Variants in DMBX1 observed in about 807,000 individuals in gnomAD.
The protein encoded by DMBX1 is diencephalon/mesencephalon homeobox protein 1.
A neutral mutation model predicts 30.4 loss-of-function variants in DMBX1; 7 were observed. The ratio of observed to expected loss-of-function variants is 0.23; its 90% CI spans 0.13 to 0.43. The LOEUF is 0.43. Among genes scored for constraint, DMBX1 ranks in the 20% least tolerant of loss-of-function variants. DMBX1 has a pLI of 1.00. For synonymous variants in DMBX1, 222 were observed against 214.2 expected (o/e 1.04, Z -0.32); for missense variants, 460 against 508.5 (o/e 0.90, Z 0.92).
intron 2 of DMBX1, among the ~76,000 whole-genome samples, chr1:46,498,879 G>T (rs1666072463): frequency 6.6e-6 from 1 of 152,190 alleles, no homozygotes; most frequent in Non-Finnish European, 1.5e-5. Flanking sequence ...GAGAGCAGGG[G>T]CCTTGATGTC....
intron 2 of DMBX1, among the ~76,000 whole-genome samples, chr1:46,501,143 C>A (rs929746829): frequency 3.8e-4 from 57 of 151,192 alleles, no homozygotes; most frequent in Non-Finnish European, 5.0e-4. Flanking sequence ...TTTCTTTTCC[C>A]TCCCCCTTCC....
At chr1:46,507,723 G>T (rs770448803) in intron 3 of DMBX1, among the ~76,000 whole-genome samples, 1 of 152,168 alleles carries the variant, frequency 6.6e-6, no homozygotes, top group Non-Finnish European at 1.5e-5. Flanking sequence ...GGCCAAGTGG[G>T]GTTGGAACGT....
intron 2 of DMBX1, among the ~76,000 whole-genome samples, chr1:46,501,817 C>T (rs1360766577): frequency 6.6e-6 from 1 of 152,108 alleles, no homozygotes; most frequent in Non-Finnish European, 1.5e-5. Context: ...CCGCACCCAG[C>T]TTTATTTTTT....
intron 2 of DMBX1, among the ~76,000 whole-genome samples, chr1:46,496,211 C>T (rs1047743527): frequency 7.9e-5 from 12 of 152,106 alleles, no homozygotes; most frequent in African/African-American, 2.2e-4. Flanking sequence ...GTAAAATAAG[C>T]GGCATCTGAG....
rs1425623172 is a variant in DMBX1 at position 46,491,037 on chromosome 1, C to T, written c.-13+254C>T. 6.6e-6 allele frequency among the ~76,000 whole-genome samples: 1 copy of T among 152,220 alleles called. No individual in the cohort carries two copies. The highest frequency in any genetic ancestry group is 1.5e-5 in the Non-Finnish European group (1 of 68,036). ...GCGACAGGCCAGGGGCCCTGATGGA[C>T]TGTGCAGGGTCCCGGGCACCACCGG... On this transcript the variant is annotated intron_variant, in intron 2 of 5. Transcript: ENST00000360032. This position sits in a 1 kb window ranked among gnomAD's most constrained non-coding sequence, Gnocchi z 5.5.
Position 46,510,823 on chromosome 1 carries a change from C to T in DMBX1, c.334-112C>T. The T allele has an allele frequency of 7.4e-7, 1 of 1,348,802 alleles. No individual in the cohort carries two copies. Among genetic ancestry groups the T allele is most frequent in the Non-Finnish European group, 1.0e-6 (1 of 1,000,142 alleles). The allele number at this position is 1,348,802 out of a possible 1,614,324, so 83.6% of individuals were successfully genotyped here. ...TGGGAAGGGACAGAGGGTGTGCATTCCCTAGAGGGGTGGGGGGATGTTATC... is the reference window on the plus strand; with the variant it reads ...TGGGAAGGGACAGAGGGTGTGCATTTCCTAGAGGGGTGGGGGGATGTTATC... On this transcript the variant is annotated intron_variant, in intron 4 of 5. Transcript: ENST00000360032. This position sits in a 1 kb window ranked among gnomAD's most constrained non-coding sequence, Gnocchi z 4.1.
At chr1:46,505,947 T>C (rs1387531413) in intron 2 of DMBX1, among the ~76,000 whole-genome samples, 2 of 152,150 alleles carry the variant, frequency 1.3e-5, no homozygotes, top group Non-Finnish European at 2.9e-5. Context: ...CTTGGAGATA[T>C]GGTGAGAATA....
Position 46,510,782 on chromosome 1 carries a change from T to G in DMBX1, c.333+128T>G. The G allele has an allele frequency of 7.3e-7, 1 of 1,370,130 alleles. No homozygotes were observed. Among genetic ancestry groups the G allele is most frequent in the East Asian group, 2.5e-5 (1 of 40,142 alleles). 84.9% of individuals were successfully genotyped at this position (1,370,130 alleles called of 1,614,324 possible). On this transcript the variant is annotated intron_variant, in intron 4 of 5. Coordinates refer to ENST00000360032, the MANE Select transcript of DMBX1 (RefSeq NM_172225.2). The surrounding 1 kb of genome is among the most constrained non-coding windows in gnomAD (Gnocchi z 4.1). ...CTGATCTCTCCATCAAAGCCTTCAGTGATAGGAGGGGAGTTTGGGAAGGGA... is the reference window on the plus strand; with the variant it reads ...CTGATCTCTCCATCAAAGCCTTCAGGGATAGGAGGGGAGTTTGGGAAGGGA...
rs1456291943 is a variant in DMBX1 at position 46,513,524 on chromosome 1, C to T, written c.*1030C>T. 1 of 152,260 alleles carries T rather than the reference C, an allele frequency of 6.6e-6. No homozygotes were observed. The highest frequency in any genetic ancestry group is 1.5e-5 in the Non-Finnish European group (1 of 68,054). 9.4% of individuals were successfully genotyped at this position (152,260 alleles called of 1,614,324 possible). On this transcript the variant is annotated 3_prime_UTR_variant, in exon 6 of 6. Transcript: ENST00000360032. ...GCAGTAGAATGGCCAGCATTCCTGC[C>T]TGTAAGTCTTCCCAAGACAGAGGCC...
At chr1:46,505,004 C>T (rs1258368392) in intron 2 of DMBX1, among the ~76,000 whole-genome samples, 4 of 151,876 alleles carry the variant, frequency 2.6e-5, no homozygotes, top group African/African-American at 7.3e-5. Flanking sequence ...AAAAAATGCT[C>T]GTCATCACTG....
At chr1:46,508,531 G>A (rs2148489393) in intron 3 of DMBX1, among the ~76,000 whole-genome samples, 1 of 152,278 alleles carries the variant, frequency 6.6e-6, no homozygotes, top group East Asian at 1.9e-4. Flanking sequence ...TCTAGTGTGG[G>A]GATGTTGGAT....
intron 2 of DMBX1, among the ~76,000 whole-genome samples, chr1:46,497,752 G>A (rs1477803999): frequency 6.6e-6 from 1 of 152,238 alleles, no homozygotes; most frequent in African/African-American, 2.4e-5. Context: ...GGGACATAAC[G>A]GATGCATTTG....
At chr1:46,509,308 A>G (rs1569895828) in intron 3 of DMBX1, among the ~76,000 whole-genome samples, 2 of 152,262 alleles carry the variant, frequency 1.3e-5, no homozygotes, top group African/African-American at 4.8e-5. Context: ...TCCTGACCTC[A>G]GGTAATCCAC....
rs769503414 is a variant in DMBX1 at position 46,515,037 on chromosome 1, G to C, written c.*2543G>C. On this transcript the variant is annotated 3_prime_UTR_variant, in exon 6 of 6. Coordinates refer to ENST00000360032, the MANE Select transcript of DMBX1 (RefSeq NM_172225.2). ...CACACCTACATGTGGCAAGCACCAA[G>C]ACAGGCATTTGAGGGTTTCCAAATC... Among the ~76,000 whole-genome samples the C allele has an allele frequency of 6.6e-6, 1 of 151,852 alleles. No individual in the cohort carries two copies. Among genetic ancestry groups the C allele is most frequent in the African/African-American group, 2.4e-5 (1 of 41,120 alleles).
chr1:46,500,178 G>C (rs145657978), intron 2 of DMBX1, among the ~76,000 whole-genome samples: 140 of 152,182 alleles, frequency 9.2e-4, no homozygotes, highest in Non-Finnish European at 1.7e-3. Context: ...TGCTGGGGAG[G>C]GGGAGGGCAT....
chr1:46,500,024 G>C (rs1490603245), intron 2 of DMBX1, among the ~76,000 whole-genome samples: 2 of 152,180 alleles, frequency 1.3e-5, no homozygotes, highest in African/African-American at 4.8e-5. Context: ...TTTCTGAAGA[G>C]GGCTCAGTTG....
At chr1:46,509,631 T>C (rs1666313259) in intron 3 of DMBX1, among the ~76,000 whole-genome samples, 1 of 152,138 alleles carries the variant, frequency 6.6e-6, no homozygotes, top group Admixed American at 6.5e-5. Flanking sequence ...TGGGTGGTTA[T>C]CATGTTACCA....
At chr1:46,498,764 T>C (rs1666070344) in intron 2 of DMBX1, among the ~76,000 whole-genome samples, 2 of 152,206 alleles carry the variant, frequency 1.3e-5, no homozygotes, top group South Asian at 4.1e-4. Flanking sequence ...TGGCCGCACA[T>C]GGACACTGAG....
At position 46,512,047 on chromosome 1, in the gene DMBX1, C is replaced by T. The variant is rs1159419011; in HGVS notation, c.687C>T (p.Ser229=). 2 of 1,609,406 alleles carry T rather than the reference C, an allele frequency of 1.2e-6. No homozygotes were observed. The highest frequency in any genetic ancestry group is 1.7e-6 in the Non-Finnish European group (2 of 1,178,670). ...GCKRGSPKAD[S]PGSLTITPVA... is the part of the protein sequence containing the mutation. ...TCTTGGGTTCTCTGCTTGCAGATTC[C>T]CCAGGCAGCCTGACCATCACTCCTG... The change falls in exon 6 of 6, where the codon TCC becomes TCT. Residue 229 remains serine, a synonymous_variant. Transcript: ENST00000360032. This position sits in a 1 kb window ranked among gnomAD's most constrained non-coding sequence, Gnocchi z 4.8.
Sources: gnomAD v4.1 joint callset for allele counts (sites outside exome capture counted in the v4.1 genomes callset) on GRCh38, gnomAD v4.1.1 for gene constraint, Gnocchi (gnomAD v3.1) non-coding constraint, MANE v1.5 for transcripts, NCBI Gene and HGNC (gene_info 2026-07-23, HGNC 2026-07-21) for gene names.